SNAP91: variants seen among roughly 807,000 people sequenced by gnomAD.
SNAP91 encodes the protein clathrin coat assembly protein AP180.
A neutral mutation model predicts 100.3 loss-of-function variants in SNAP91; 27 were observed. The ratio of observed to expected loss-of-function variants is 0.27; its 90% CI spans 0.20 to 0.37. The LOEUF (loss-of-function observed/expected upper bound fraction) is 0.37. Among genes scored for constraint, SNAP91 ranks in the 10% least tolerant of loss-of-function variants. SNAP91 has a pLI of 1.00. For missense variants in SNAP91, 986 were observed against 1,123.7 expected (o/e 0.88, Z 1.75); for synonymous variants, 404 against 398.6 (o/e 1.01, Z -0.16).
intron 8 of SNAP91, among the ~76,000 whole-genome samples, chr6:83,630,678 A>G (rs550406740): frequency 6.6e-6 from 1 of 151,318 alleles, no homozygotes; most frequent in South Asian, 2.1e-4. Context: ...CTGTGGTGTC[A>G]GTTGTACTGT....
At chr6:83,581,570 T>C (rs115003911) in intron 23 of SNAP91, among the ~76,000 whole-genome samples, 3,396 of 152,294 alleles carry the variant, frequency 0.022, 108 homozygotes, top group African/African-American at 0.074. Flanking sequence ...TACTATACAA[T>C]AATTTTAAAG....
In SNAP91 at chr6:83,676,110, CAA is replaced by C. The variant is rs34754235; in HGVS notation, c.131-10531_131-10530del. 5.4e-3 allele frequency among the ~76,000 whole-genome samples: 717 copies of C among 133,956 alleles called. 3 individuals are homozygous for C. The highest frequency in any genetic ancestry group is 0.015 in the African/African-American group (541 of 37,048). The allele number at this position is 133,956 out of a possible 152,430, so 87.9% of individuals were successfully genotyped here. On this transcript the variant is annotated intron_variant, in intron 2 of 29. Coordinates refer to ENST00000369694, the MANE Select transcript of SNAP91 (RefSeq NM_001242792.2). ...TGGGCAACAGAGCAAGACCCTATCT[CAA>C]AAAAAAAAAAAAAGAATGTGACATA...
rs200955608 is a variant in SNAP91 at position 83,570,553 on chromosome 6, T to TGG, written c.2442+4455_2442+4456dup. ...ATCACAGACCTGGAGGTTTACGGGG[T>TGG]GGCGGGGGGGGAAGTGGTTTCATGG... On this transcript the variant is annotated intron_variant, in intron 26 of 29. Transcript: ENST00000369694. Among the ~76,000 whole-genome samples the TGG allele has an allele frequency of 8.0e-4, 57 of 71,614 alleles. 1 individual carries two copies. In the East Asian group the frequency reaches 0.01, roughly 13 times the overall value. The allele number at this position is 71,614 out of a possible 152,430, so 47.0% of individuals were successfully genotyped here. A position where few individuals can be genotyped will look rare whatever the true frequency, so the allele number is the denominator to read the frequency against.
chr6:83,628,857 C>A (rs1336563797), intron 8 of SNAP91, among the ~76,000 whole-genome samples: 5 of 151,962 alleles, frequency 3.3e-5, no homozygotes, highest in African/African-American at 1.2e-4. Context: ...TGCAAAAATT[C>A]TTTAGTTTAA....
chr6:83,600,293 T>C (rs2095026821), intron 16 of SNAP91, among the ~76,000 whole-genome samples: 1 of 152,136 alleles, frequency 6.6e-6, no homozygotes, highest in Non-Finnish European at 1.5e-5. Flanking sequence ...AGCAGAGTGG[T>C]AGGTGACAGT....
intron 7 of SNAP91, among the ~76,000 whole-genome samples, chr6:83,653,072 C>T (rs373675350): frequency 3.3e-4 from 50 of 152,080 alleles, no homozygotes; most frequent in African/African-American, 1.2e-3. Context: ...AAGGTAGTTT[C>T]GGGGGCATTT....
chr6:83,699,763 C>A (rs955707606), intron 2 of SNAP91, among the ~76,000 whole-genome samples: 10 of 152,070 alleles, frequency 6.6e-5, no homozygotes, highest in Non-Finnish European at 1.0e-4. Context: ...ACAAGACAAA[C>A]AGAAGATTTG....
intron 12 of SNAP91, among the ~76,000 whole-genome samples, chr6:83,609,449 T>C (rs1290648764): frequency 2.0e-5 from 3 of 152,118 alleles, no homozygotes; most frequent in Non-Finnish European, 2.9e-5. Context: ...TTGTTCAAGG[T>C]CCCTGAGGGG....
chr6:83,575,931 G>A, intron 25 of SNAP91, 92 bp downstream of exon 25: 1 of 685,662 alleles, frequency 1.5e-6, no homozygotes, highest in Non-Finnish European at 2.4e-6. Context: ...GCATGAGAAT[G>A]AATAATTACT....
At chr6:83,642,757 A>G (rs919545222) in intron 7 of SNAP91, among the ~76,000 whole-genome samples, 12 of 152,158 alleles carry the variant, frequency 7.9e-5, no homozygotes, top group African/African-American at 2.9e-4. Context: ...TCCCTGAGGA[A>G]TTGCCACACT....
chr6:83,681,821 T>G (rs1454130), intron 2 of SNAP91, among the ~76,000 whole-genome samples: 32,472 of 152,040 alleles, frequency 0.21, 4,296 homozygotes, highest in East Asian at 0.4. Context: ...CCCCCAAGTG[T>G]TCTAGAATGA....
intron 26 of SNAP91, among the ~76,000 whole-genome samples, chr6:83,574,312 A>C (rs1443029426): frequency 6.6e-6 from 1 of 152,218 alleles, no homozygotes; most frequent in East Asian, 1.9e-4. Flanking sequence ...TTGTGTCAGC[A>C]AATTTCACAA....
At chr6:83,562,701 T>C (rs192712710) in intron 26 of SNAP91, among the ~76,000 whole-genome samples, 5 of 152,234 alleles carry the variant, frequency 3.3e-5, no homozygotes, top group Admixed American at 2.6e-4. Context: ...CAACCAACTC[T>C]CAGTCACAGC....
At chr6:83,676,854 T>C (rs1398456204) in intron 2 of SNAP91, among the ~76,000 whole-genome samples, 1 of 152,104 alleles carries the variant, frequency 6.6e-6, no homozygotes, top group African/African-American at 2.4e-5. Flanking sequence ...TTAATGAGCT[T>C]ATATTAGTGT....
intron 2 of SNAP91, among the ~76,000 whole-genome samples, chr6:83,699,811 C>T (rs1206226607): frequency 6.6e-6 from 1 of 152,146 alleles, no homozygotes; most frequent in Non-Finnish European, 1.5e-5. Context: ...TACCTAAAGA[C>T]AGGTAGACAG....
At chr6:83,628,496 A>T (rs2097062843) in intron 8 of SNAP91, among the ~76,000 whole-genome samples, 1 of 150,430 alleles carries the variant, frequency 6.6e-6, no homozygotes, top group South Asian at 2.1e-4. Flanking sequence ...GTGTTCCCTG[A>T]TCACCACATC....
At chr6:83,566,858 T>C (rs1797345713) in intron 26 of SNAP91, among the ~76,000 whole-genome samples, 1 of 152,168 alleles carries the variant, frequency 6.6e-6, no homozygotes, top group Non-Finnish European at 1.5e-5. Context: ...ATCAACAAAA[T>C]ATATTTTGTT....
chr6:83,678,370 T>C (rs1381172650), intron 2 of SNAP91, among the ~76,000 whole-genome samples: 2 of 151,998 alleles, frequency 1.3e-5, no homozygotes, highest in African/African-American at 2.4e-5. Context: ...CAGAAAAGAA[T>C]AGCTATTTTA....
chr6:83,577,333 G>T (rs1378126291), intron 24 of SNAP91, among the ~76,000 whole-genome samples: 1 of 151,982 alleles, frequency 6.6e-6, no homozygotes, highest in Non-Finnish European at 1.5e-5. Flanking sequence ...ATATAAAAAT[G>T]ATTACCCATA....
Sources: gnomAD v4.1 joint callset for allele counts (sites outside exome capture counted in the v4.1 genomes callset) on GRCh38, gnomAD v4.1.1 for gene constraint, MANE v1.5 for transcripts, NCBI Gene and HGNC (gene_info 2026-07-23, HGNC 2026-07-21) for gene names.